The following FBXL15 variants were observed in gnomAD, a reference collection of about 807,000 sequenced individuals.
FBXL15 encodes F-box and leucine rich repeat protein 15.
In FBXL15, 19 loss-of-function variants were observed where a neutral mutation model predicts 23.6. The observed-to-expected ratio is 0.81, with a 90% CI of 0.56 to 1.18. The LOEUF is 1.18. Ranked by LOEUF, FBXL15 falls within the 50% of genes most tolerant of loss-of-function variation. FBXL15 has a pLI of 0.00. For synonymous variants in FBXL15, 224 were observed against 207.7 expected (o/e 1.08, Z -0.67); for missense variants, 385 against 425.4 (o/e 0.91, Z 0.83).
chr10:102,420,981 GT>G lies in FBXL15; in HGVS notation c.-148del. ...CGGTCTGTTCCGCCTCCGTTTCGGGGTCCACCCGAAAAGCTTTCAGATCGGA... is the reference window on the plus strand; with the variant it reads ...CGGTCTGTTCCGCCTCCGTTTCGGGGCCACCCGAAAAGCTTTCAGATCGGA... On this transcript the variant is annotated 5_prime_UTR_variant, in exon 1 of 4. It removes the in-frame stop codon of an upstream open reading frame in the 5' UTR. Transcript: ENST00000369956. 6.5e-7 allele frequency: 1 copy of G among 1,528,164 alleles called. No homozygotes were observed. Among genetic ancestry groups the G allele is most frequent in the Non-Finnish European group, 8.8e-7 (1 of 1,134,830 alleles). 94.7% of individuals were successfully genotyped at this position (1,528,164 alleles called of 1,614,324 possible).
In FBXL15 at chr10:102,421,467, A is replaced by T. The variant is rs1430802250; in HGVS notation, c.167A>T (p.Gln56Leu). ...RVSRAFRSLV[Q>L]LHLAGLRRFD... ...AGCCGGGCCTTCCGGTCGCTGGTGC[A>T]GCTTCACCTGGCCGGGCTGCGTCGC... The change falls in exon 2 of 4, where the codon CAG becomes CTG. Residue 56 changes from glutamine (Q) to leucine (L), a missense_variant. Gln to Leu is a moderately radical substitution (Grantham distance 113). Around this residue, in one of 2 missense-constraint regions of FBXL15, gnomAD observed 130 missense variants for 95.1 expected, o/e 1.37. Coordinates refer to ENST00000369956, the MANE Select transcript of FBXL15 (RefSeq NM_024326.4). 7 of 1,514,278 alleles carry T rather than the reference A, an allele frequency of 4.6e-6. No homozygotes were observed. In the African/African-American group the frequency reaches 5.6e-5, roughly 12 times the overall value. 93.8% of individuals were successfully genotyped at this position (1,514,278 alleles called of 1,614,324 possible).
chr10:102,421,281 G>T, intron 1 of FBXL15, 73 bp from the exon 2 acceptor site: 1 of 1,559,600 alleles, frequency 6.4e-7, no homozygotes. Context: ...CTGGGGCGCA[G>T]GAACATAACG....
Position 102,421,472 on chromosome 10 carries a change from C to T in FBXL15, c.172C>T (p.His58Tyr). The change falls in exon 2 of 4, where the codon CAC becomes TAC. Residue 58 changes from histidine (H) to tyrosine (Y), a missense_variant. By Grantham distance (83) the His-to-Tyr change is moderately conservative. Coordinates refer to ENST00000369956, the MANE Select transcript of FBXL15 (RefSeq NM_024326.4). ...SRAFRSLVQL[H>Y]LAGLRRFDAA... ...GGCCTTCCGGTCGCTGGTGCAGCTT[C>T]ACCTGGCCGGGCTGCGTCGCTTCGA... 1 of 1,507,770 alleles carries T rather than the reference C, an allele frequency of 6.6e-7. No individual in the cohort carries two copies. The highest frequency in any genetic ancestry group is 8.8e-7 in the Non-Finnish European group (1 of 1,131,554). The allele number at this position is 1,507,770 out of a possible 1,614,324, so 93.4% of individuals were successfully genotyped here. A position where few individuals can be genotyped will look rare whatever the true frequency, so the allele number is the denominator to read the frequency against.
At position 102,421,487 on chromosome 10, in the gene FBXL15, C is replaced by T; in HGVS notation, c.187C>T (p.Arg63Cys). ...GGTGCAGCTTCACCTGGCCGGGCTG[C>T]GTCGCTTCGATGCCGCGCAGGTGAG... is the stretch of plus-strand genomic sequence containing the variant. ...SLVQLHLAGL[R>C]RFDAAQVGPQ... Residue 63 changes from arginine to cysteine, a missense_variant, in exon 2 of 4, where the codon CGT (arginine) becomes TGT (cysteine). By Grantham distance (180) the Arg-to-Cys change is radical. Coordinates refer to ENST00000369956, the MANE Select transcript of FBXL15 (RefSeq NM_024326.4). 6.7e-7 allele frequency: 1 copy of T among 1,485,548 alleles called. No homozygotes were observed. The highest frequency in any genetic ancestry group is 8.9e-7 in the Non-Finnish European group (1 of 1,120,024). 92.0% of individuals were successfully genotyped at this position (1,485,548 alleles called of 1,614,324 possible).
chr10:102,422,863 T>G lies in FBXL15; in HGVS notation c.773T>G (p.Val258Gly). ...CTGCGGGTGCGGCACTGCCACCATG[T>G]GGCGGAGTCCAGCCTGAGCCGCTTG... is the stretch of plus-strand genomic sequence containing the variant. ...RSLRVRHCHH[V>G]AESSLSRLRK... Residue 258 changes from valine (V) to glycine (G), a missense_variant, in exon 4 of 4, where the codon GTG (valine) becomes GGG (glycine). Coordinates refer to ENST00000369956, the MANE Select transcript of FBXL15 (RefSeq NM_024326.4). 1 of 1,611,062 alleles carries G rather than the reference T, an allele frequency of 6.2e-7. No homozygotes were observed. Among genetic ancestry groups the G allele is most frequent in the Non-Finnish European group, 8.5e-7 (1 of 1,179,628 alleles).
Position 102,421,199 on chromosome 10 carries a change from G to A in FBXL15, c.53+17G>A. On this transcript the variant is annotated intron_variant, in intron 1 of 3. Coordinates refer to ENST00000369956, the MANE Select transcript of FBXL15 (RefSeq NM_024326.4). ...AGCCGTCAGGTACCGAGCACCGGAGGGGCCGAGAGGGAAGAGGAACCTGAG... is the reference window on the plus strand; with the variant it reads ...AGCCGTCAGGTACCGAGCACCGGAGAGGCCGAGAGGGAAGAGGAACCTGAG... 4 of 1,604,776 alleles carry A rather than the reference G, an allele frequency of 2.5e-6. No homozygotes were observed. The highest frequency in any genetic ancestry group is 8.5e-7 in the Non-Finnish European group (1 of 1,175,800).
chr10:102,422,420 T>G, intron 3 of FBXL15, 128 bp downstream of exon 3: 1 of 1,218,898 alleles, frequency 8.2e-7, no homozygotes, highest in Non-Finnish European at 1.1e-6. Context: ...ACCCCCATTC[T>G]GAACAGAAAG....
Position 102,422,114 on chromosome 10 carries a change from C to A in FBXL15, c.535C>A (p.Leu179Ile). 6.4e-7 allele frequency: 1 copy of A among 1,562,570 alleles called. No individual in the cohort carries two copies. Among genetic ancestry groups the A allele is most frequent in the Admixed American group, 1.9e-5 (1 of 53,974 alleles). The change falls in exon 3 of 4, where the codon CTC (leucine) becomes ATC (isoleucine). Residue 179 changes from leucine (L) to isoleucine (I), a missense_variant. Physicochemically the swap from Leu to Ile is conservative, Grantham distance 5 (BLOSUM62 2). Transcript: ENST00000369956. ...GCTGGATCTCACCGCCTGCCGCCAG[C>A]TCAAGGACGAGGCCATCGTGTACCT... is the stretch of plus-strand genomic sequence containing the variant. The part of the protein sequence containing the change: ...EELDLTACRQ[L>I]KDEAIVYLAQ...
At chr10:102,421,597 C>A in intron 2 of FBXL15, 90 bp downstream of exon 2, 4 of 1,429,290 alleles carry the variant, frequency 2.8e-6, no homozygotes, top group Non-Finnish European at 3.7e-6. Flanking sequence ...TTCTGGACCC[C>A]CTTGGGCCGC....
intron 3 of FBXL15, 104 bp from the exon 4 acceptor site, chr10:102,422,700 T>C: frequency 7.9e-7 from 1 of 1,258,046 alleles, no homozygotes; most frequent in Non-Finnish European, 1.1e-6. Context: ...GAGACCGGGA[T>C]TTTGCCGGAG....
Position 102,422,166 on chromosome 10 carries a change from G to T in FBXL15, c.587G>T (p.Arg196Leu). ...GCGCAGAGGCGCGGCGCTGGTCTCC[G>T]CAGCCTCTCTCTGGCCGTCAACGCC... Reference protein sequence around the residue: ...YLAQRRGAGLRSLSLAVNANV... With the variant: ...YLAQRRGAGLLSLSLAVNANV... Residue 196 changes from arginine (R) to leucine (L), a missense_variant, in exon 3 of 4, where the codon CGC becomes CTC. Arg to Leu is a moderately radical substitution (Grantham distance 102). Transcript: ENST00000369956. The T allele has an allele frequency of 6.5e-7, 1 of 1,547,078 alleles. No homozygotes were observed.
At chr10:102,421,536 G>A in intron 2 of FBXL15, 29 bp downstream of exon 2, 1 of 1,448,276 alleles carries the variant, frequency 6.9e-7, no homozygotes, top group Non-Finnish European at 9.1e-7. Flanking sequence ...CCCCGCCCCT[G>A]CCTGGGTACC....
rs2061568152 is a variant in FBXL15 at position 102,421,801 on chromosome 10, C to G, written c.222C>G (p.Ile74Met). 3 of 1,557,442 alleles carry G rather than the reference C, an allele frequency of 1.9e-6. No homozygotes were observed. Reference protein sequence around the residue: ...RFDAAQVGPQIPRAALARLLR... With the variant: ...RFDAAQVGPQMPRAALARLLR... ...CCCGCCCGCAGGTGGGTCCGCAGAT[C>G]CCGCGGGCCGCATTGGCCCGGCTGC... The change falls in exon 3 of 4, where the codon ATC (isoleucine) becomes ATG (methionine). Residue 74 changes from isoleucine to methionine, a missense_variant. Physicochemically the swap from Ile to Met is conservative, Grantham distance 10 (BLOSUM62 1). Around this residue, in one of 2 missense-constraint regions of FBXL15, gnomAD observed 255 missense variants for 330.2 expected, o/e 0.77. Coordinates refer to ENST00000369956, the MANE Select transcript of FBXL15 (RefSeq NM_024326.4).
chr10:102,421,684 C>T (rs1357596671), intron 2 of FBXL15, 103 bp from the exon 3 acceptor site: 2 of 1,461,684 alleles, frequency 1.4e-6, no homozygotes, highest in South Asian at 2.7e-5. Context: ...GGGGTCTCTC[C>T]TGGGAGAGCA....
chr10:102,422,325 G>C, intron 3 of FBXL15, 33 bp downstream of exon 3: 1 of 1,485,536 alleles, frequency 6.7e-7, no homozygotes, highest in Non-Finnish European at 8.9e-7. Context: ...GAGGAGGGCA[G>C]TCACTTAGCC....
In FBXL15 at chr10:102,422,131, C is replaced by A; in HGVS notation, c.552C>A (p.Ile184=). ...TACRQLKDEA[I]VYLAQRRGAG... ...GCCGCCAGCTCAAGGACGAGGCCAT[C>A]GTGTACCTGGCGCAGAGGCGCGGCG... The change falls in exon 3 of 4, where the codon ATC becomes ATA. Residue 184 remains isoleucine, a synonymous_variant. Transcript: ENST00000369956. The A allele has an allele frequency of 6.4e-7, 1 of 1,557,514 alleles. No individual in the cohort carries two copies. The highest frequency in any genetic ancestry group is 8.7e-7 in the Non-Finnish European group (1 of 1,151,638).
In FBXL15 at chr10:102,422,113, G is replaced by A. The variant is rs752046786; in HGVS notation, c.534G>A (p.Gln178=). 109 of 1,562,230 alleles carry A rather than the reference G, an allele frequency of 7.0e-5. 1 individual carries two copies. The Middle Eastern group carries it at 1.0e-3, about 14-fold the overall frequency. The change falls in exon 3 of 4, where the codon CAG becomes CAA. Residue 178 remains glutamine (Q), a synonymous_variant. Coordinates refer to ENST00000369956, the MANE Select transcript of FBXL15 (RefSeq NM_024326.4). ...LEELDLTACR[Q]LKDEAIVYLA... ...AGCTGGATCTCACCGCCTGCCGCCAGCTCAAGGACGAGGCCATCGTGTACC... is the reference window on the plus strand; with the variant it reads ...AGCTGGATCTCACCGCCTGCCGCCAACTCAAGGACGAGGCCATCGTGTACC...
chr10:102,421,593 A>T, intron 2 of FBXL15, 86 bp downstream of exon 2: 1 of 1,429,952 alleles, frequency 7.0e-7, no homozygotes, highest in Non-Finnish European at 9.1e-7. Flanking sequence ...GCCCTTCTGG[A>T]CCCCCTTGGG....
In FBXL15 at chr10:102,421,819, C is replaced by T; in HGVS notation, c.240C>T (p.Ala80=). Reference sequence around the variant, plus strand: ...CGCAGATCCCGCGGGCCGCATTGGCCCGGCTGCTGCGGGATGCCGAGGGGC... The same window carrying T: ...CGCAGATCCCGCGGGCCGCATTGGCTCGGCTGCTGCGGGATGCCGAGGGGC... ...VGPQIPRAAL[A]RLLRDAEGLQ... Residue 80 remains alanine, a synonymous_variant, in exon 3 of 4, where the codon GCC becomes GCT. Coordinates refer to ENST00000369956, the MANE Select transcript of FBXL15 (RefSeq NM_024326.4). 1 of 1,571,070 alleles carries T rather than the reference C, an allele frequency of 6.4e-7. No individual in the cohort carries two copies. The highest frequency in any genetic ancestry group is 8.6e-7 in the Non-Finnish European group (1 of 1,164,860).
Sources: allele counts gnomAD v4.1 joint callset, GRCh38; gene constraint gnomAD v4.1.1; regional missense constraint gnomAD v4.1.1; transcripts MANE v1.5; gene names NCBI Gene and HGNC (gene_info 2026-07-23, HGNC 2026-07-21).